CNBD1: variants seen among roughly 807,000 people sequenced by gnomAD.
CNBD1 encodes the protein cyclic nucleotide-binding domain-containing protein 1.
Under a neutral mutation model 54.4 loss-of-function variants are expected in CNBD1, and 71 were observed. The observed-to-expected ratio is 1.30, with a 90% CI of 1.08 to 1.59. The LOEUF is 1.59. CNBD1 is among the 40% of genes most tolerant of loss of function. The pLI is 0.00. For synonymous variants in CNBD1, 182 were observed against 170.7 expected, an observed-to-expected ratio of 1.07 and a Z score of -0.51; for missense variants, 659 against 518.0, an observed-to-expected ratio of 1.27 and a Z score of -2.64.
At chr8:86,958,965 A>G (rs1384566259) in intron 4 of CNBD1, among the ~76,000 whole-genome samples, 1 of 152,146 alleles carries the variant, frequency 6.6e-6, no homozygotes, top group Admixed American at 6.5e-5. Context: ...ACAATTTGGC[A>G]TGTTTTTGCA....
chr8:87,378,378 C>T (rs1305555756), intron 10 of CNBD1, among the ~76,000 whole-genome samples: 2 of 149,582 alleles, frequency 1.3e-5, no homozygotes, highest in African/African-American at 2.5e-5. Flanking sequence ...ATATGGCTAG[C>T]CAGTTTTCCC....
chr8:87,159,110 A>T (rs1330286665), intron 4 of CNBD1, among the ~76,000 whole-genome samples: 8 of 152,136 alleles, frequency 5.3e-5, no homozygotes, highest in Non-Finnish European at 1.2e-4. Context: ...ATATCATTTT[A>T]CTTGTTGAAT....
intron 4 of CNBD1, among the ~76,000 whole-genome samples, chr8:86,999,847 TATTA>T (rs1205588026): frequency 6.6e-6 from 1 of 152,206 alleles, no homozygotes; most frequent in Admixed American, 6.6e-5. Context: ...GTTATTCCTT[TATTA>T]ATTATAGATG....
intron 3 of CNBD1, among the ~76,000 whole-genome samples, chr8:86,926,541 C>T (rs1339656326): frequency 1.3e-5 from 2 of 152,184 alleles, no homozygotes; most frequent in Non-Finnish European, 2.9e-5. Context: ...CGCCATGTCA[C>T]CCAACTCCAG....
chr8:87,392,020 C>T (rs1207396640), intron 2 of CNBD1, among the ~76,000 whole-genome samples: 2 of 152,026 alleles, frequency 1.3e-5, no homozygotes, highest in South Asian at 4.1e-4. Context: ...GGGCCTTTCT[C>T]TAAAGAAGAA....
At chr8:87,148,359 A>G (rs1241455689) in intron 4 of CNBD1, among the ~76,000 whole-genome samples, 25 of 152,172 alleles carry the variant, frequency 1.6e-4, no homozygotes, top group Admixed American at 1.6e-3. Flanking sequence ...GTTGAACTTG[A>G]TCGTAAACAT....
chr8:87,213,970 G>C (rs1814155097), intron 5 of CNBD1, among the ~76,000 whole-genome samples: 1 of 152,182 alleles, frequency 6.6e-6, no homozygotes, highest in South Asian at 2.1e-4. Context: ...AAGGCCCCAT[G>C]CAAGTCCAAA....
intron 2 of CNBD1, among the ~76,000 whole-genome samples, chr8:87,423,537 G>T (rs1330087760): frequency 2.0e-5 from 3 of 151,054 alleles, no homozygotes; most frequent in African/African-American, 4.9e-5. Flanking sequence ...AGATAATCAT[G>T]TGGTTTCTGT....
intron 8 of CNBD1, among the ~76,000 whole-genome samples, chr8:87,306,758 G>A (rs1019741134): frequency 6.6e-6 from 1 of 152,056 alleles, no homozygotes. Flanking sequence ...TGGGGATGTG[G>A]GGGAAGAGTG....
intron 4 of CNBD1, among the ~76,000 whole-genome samples, chr8:86,995,167 T>C (rs561007606): frequency 6.6e-6 from 1 of 152,300 alleles, no homozygotes; most frequent in Admixed American, 6.5e-5. Flanking sequence ...TAGGGATTTG[T>C]GGACAATTGT....
At chr8:87,281,094 T>A (rs1161110823) in intron 6 of CNBD1, among the ~76,000 whole-genome samples, 1 of 151,794 alleles carries the variant, frequency 6.6e-6, no homozygotes, top group East Asian at 1.9e-4. Context: ...CCATGATTAT[T>A]ACCTGCAGTT....
chr8:87,200,369 C>T (rs75946320), intron 4 of CNBD1, among the ~76,000 whole-genome samples: 7,974 of 152,114 alleles, frequency 0.052, 316 homozygotes, highest in Non-Finnish European at 0.083. Flanking sequence ...ATAACTCATG[C>T]TGTGAAATGA....
intron 4 of CNBD1, among the ~76,000 whole-genome samples, chr8:87,093,597 C>T (rs779363259): frequency 3.1e-4 from 47 of 152,246 alleles, no homozygotes; most frequent in South Asian, 2.1e-4. Context: ...TTCACAGTAA[C>T]GCCGAGATTG....
chr8:87,319,462 G>A (rs1465018455), intron 8 of CNBD1, among the ~76,000 whole-genome samples: 1 of 151,948 alleles, frequency 6.6e-6, no homozygotes, highest in Non-Finnish European at 1.5e-5. Context: ...TCACGTAAAT[G>A]GAGTTTAGAT....
At chr8:87,114,618 G>A (rs1009956013) in intron 4 of CNBD1, among the ~76,000 whole-genome samples, 3 of 152,140 alleles carry the variant, frequency 2.0e-5, no homozygotes, top group African/African-American at 7.2e-5. Flanking sequence ...CCAAATTGCT[G>A]GGATTACAGG....
intron 6 of CNBD1, among the ~76,000 whole-genome samples, chr8:87,253,993 A>G (rs1807959788): frequency 6.6e-6 from 1 of 152,212 alleles, no homozygotes; most frequent in Non-Finnish European, 1.5e-5. Flanking sequence ...ATTAGAGGAG[A>G]GAAAAAGAAT....
At chr8:87,214,642 G>C (rs1814170032) in intron 5 of CNBD1, among the ~76,000 whole-genome samples, 1 of 152,104 alleles carries the variant, frequency 6.6e-6, no homozygotes, top group Admixed American at 6.6e-5. Context: ...CTGAGACTGG[G>C]TAATTTATAA....
chr8:87,287,454 G>A (rs980487677), intron 8 of CNBD1, among the ~76,000 whole-genome samples: 69 of 152,270 alleles, frequency 4.5e-4, no homozygotes, highest in African/African-American at 1.6e-3. Flanking sequence ...CCAGAACTTA[G>A]ATTATAATGG....
At chr8:87,019,864 G>A (rs536485904) in intron 4 of CNBD1, among the ~76,000 whole-genome samples, 4 of 152,208 alleles carry the variant, frequency 2.6e-5, no homozygotes, top group Non-Finnish European at 5.9e-5. Flanking sequence ...GGGCAACAGA[G>A]TGAGACTCCA....
Sources: allele counts gnomAD v4.1 joint callset (sites outside exome capture counted in the v4.1 genomes callset), GRCh38; gene constraint gnomAD v4.1.1; transcripts MANE v1.5; gene names NCBI Gene and HGNC (gene_info 2026-07-23, HGNC 2026-07-21).